The following HECW1 variants were observed in gnomAD, a reference collection of about 807,000 sequenced individuals.
HECW1 encodes HECT, C2 and WW domain containing E3 ubiquitin protein ligase 1.
Under a neutral mutation model 182.3 loss-of-function variants are expected in HECW1, and 61 were observed. The observed-to-expected ratio is 0.33, with a 90% CI of 0.27 to 0.41. HECW1 has a LOEUF of 0.41. Ranked by LOEUF, HECW1 falls within the 10% of genes least tolerant of loss-of-function variation. The pLI is 1.00. For missense variants in HECW1, 1,739 were observed against 2,108.9 expected (o/e 0.82, Z 3.44); for synonymous variants, 859 against 832.6 (o/e 1.03, Z -0.55).
chr7:43,114,428 T>G (rs1455518722), intron 2 of HECW1, 37 bp downstream of exon 2: 3 of 1,328,486 alleles, frequency 2.3e-6, no homozygotes, highest in East Asian at 8.0e-5. Flanking sequence ...TTTAAAAATG[T>G]GTGTTTTCCA....
At chr7:43,333,415 T>A (rs1288698890) in intron 5 of HECW1, among the ~76,000 whole-genome samples, 1 of 152,232 alleles carries the variant, frequency 6.6e-6, no homozygotes, top group Non-Finnish European at 1.5e-5. Context: ...GCCCCTGTTT[T>A]GGTGCATTTG....
chr7:43,181,546 G>A lies in HECW1; in HGVS notation c.-31-62329G>A, dbSNP rs142142656. 4.2e-4 allele frequency among the ~76,000 whole-genome samples: 64 copies of A among 151,008 alleles called. 5 individuals are homozygous for A. The highest frequency in any genetic ancestry group is 1.5e-3 in the African/African-American group (59 of 40,328). ...TGATAATAGCCATTCTAACTGGAGTGAGACAGTATCTCATTTTGATTTGCA... is the reference window on the plus strand; with the variant it reads ...TGATAATAGCCATTCTAACTGGAGTAAGACAGTATCTCATTTTGATTTGCA... On this transcript the variant is annotated intron_variant, in intron 2 of 29. Transcript: ENST00000395891.
chr7:43,409,920 G>T (rs915015337), intron 8 of HECW1, among the ~76,000 whole-genome samples: 1 of 152,178 alleles, frequency 6.6e-6, no homozygotes, highest in Non-Finnish European at 1.5e-5. Flanking sequence ...GTCAGTTAAG[G>T]ATGTATTTGG....
At chr7:43,447,694 A>ACAGC (rs1291153873) in intron 11 of HECW1, among the ~76,000 whole-genome samples, 9 of 152,208 alleles carry the variant, frequency 5.9e-5, no homozygotes, top group African/African-American at 2.2e-4. Flanking sequence ...AGGCTTCACA[A>ACAGC]CAGCAGATGC....
intron 2 of HECW1, among the ~76,000 whole-genome samples, chr7:43,155,040 A>G (rs944896723): frequency 6.6e-6 from 1 of 152,156 alleles, no homozygotes; most frequent in Admixed American, 6.5e-5. Context: ...AGCTCAGGTG[A>G]CTTAGGGAGC....
chr7:43,358,812 T>C (rs1261274154), intron 5 of HECW1, among the ~76,000 whole-genome samples: 2 of 145,848 alleles, frequency 1.4e-5, no homozygotes, highest in Non-Finnish European at 3.0e-5. Context: ...ATCCTTAAAA[T>C]ATATTCTTTT....
chr7:43,431,830 C>T (rs943851740), intron 8 of HECW1, among the ~76,000 whole-genome samples: 1 of 152,126 alleles, frequency 6.6e-6, no homozygotes, highest in Non-Finnish European at 1.5e-5. Context: ...CCATGGCACC[C>T]CTCTACCTGG....
chr7:43,206,763 C>A (rs1230582533), intron 2 of HECW1, among the ~76,000 whole-genome samples: 1 of 152,160 alleles, frequency 6.6e-6, no homozygotes, highest in Non-Finnish European at 1.5e-5. Context: ...AAAATGTTTG[C>A]CAGTTTCATC....
rs558799058 is a variant in HECW1, at chr7:43,130,428, C to T, written c.-32+16037C>T. ...ATGATACAGTCTGTGTACATTGAAC[C>T]GTCAGAAAGCAAGGGTGTCACTATC... is the stretch of plus-strand genomic sequence containing the variant. On this transcript the variant is annotated intron_variant, in intron 2 of 29. Coordinates refer to ENST00000395891, the MANE Select transcript of HECW1 (RefSeq NM_015052.5). Among the ~76,000 whole-genome samples, 7 of 152,148 alleles carry T rather than the reference C, an allele frequency of 4.6e-5. No individual in the cohort carries two copies. In the East Asian group the frequency reaches 5.8e-4, roughly 13 times the overall value.
intron 3 of HECW1, among the ~76,000 whole-genome samples, chr7:43,294,185 G>C (rs555318455): frequency 6.6e-6 from 1 of 152,304 alleles, no homozygotes; most frequent in East Asian, 1.9e-4. Flanking sequence ...CAAACACTTT[G>C]AGCTGCTCAC....
intron 25 of HECW1, 87 bp downstream of exon 25, chr7:43,541,348 C>CA (rs2081358573): frequency 9.7e-7 from 1 of 1,029,626 alleles, no homozygotes; most frequent in Non-Finnish European, 1.5e-6. Flanking sequence ...ACCCTTTTGT[C>CA]ACTATTTTGC....
chr7:43,297,081 G>T (rs1223587721), intron 3 of HECW1, among the ~76,000 whole-genome samples: 1 of 152,172 alleles, frequency 6.6e-6, no homozygotes, highest in East Asian at 1.9e-4. Context: ...CCAGGAAGAA[G>T]GCTGTTTTAT....
chr7:43,357,943 A>G (rs1294664077), intron 5 of HECW1, among the ~76,000 whole-genome samples: 1 of 152,230 alleles, frequency 6.6e-6, no homozygotes, highest in Non-Finnish European at 1.5e-5. Context: ...CAGAGTTTGA[A>G]GTGTTCCATG....
chr7:43,233,750 G>A (rs73101109), intron 2 of HECW1, among the ~76,000 whole-genome samples: 2,523 of 152,266 alleles, frequency 0.017, 39 homozygotes, highest in Non-Finnish European at 0.027. Context: ...AGTAGCTCCA[G>A]GCCTGCACCA....
At chr7:43,253,139 A>G (rs543705061) in intron 3 of HECW1, among the ~76,000 whole-genome samples, 110 of 152,312 alleles carry the variant, frequency 7.2e-4, no homozygotes, top group African/African-American at 2.3e-3. Flanking sequence ...TTAAAAAAAA[A>G]AAAAAATCCT....
rs2082288823 is a variant in HECW1, at chr7:43,564,670, G to T, written c.*2744G>T. On this transcript the variant is annotated 3_prime_UTR_variant, in exon 30 of 30. Transcript: ENST00000395891. The stretch of plus-strand genomic sequence containing the variant: ...AACCTTGCATAGAATCCTTAAGGAA[G>T]AAAAACAAAGAGAAGAGGAACACAG... 5.5e-6 allele frequency: 1 copy of T among 180,518 alleles called. No homozygotes were observed. Among genetic ancestry groups the T allele is most frequent in the Non-Finnish European group, 1.2e-5 (1 of 84,402 alleles). 11.2% of individuals were successfully genotyped at this position (180,518 alleles called of 1,614,324 possible). A position where few individuals can be genotyped will look rare whatever the true frequency, so the allele number is the denominator to read the frequency against.
Position 43,277,963 on chromosome 7 carries a change from C to A in HECW1, c.28-33800C>A, listed in dbSNP as rs558059810. On this transcript the variant is annotated intron_variant, in intron 3 of 29. Transcript: ENST00000395891. ...TCCTTCTTGGGCTCTTTCCCTGACT[C>A]CCCCAGACCTTTAACTGTGGGCTGC... Among the ~76,000 whole-genome samples, 43 of 152,256 alleles carry A rather than the reference C, an allele frequency of 2.8e-4. No individual in the cohort carries two copies. The East Asian group carries it at 5.2e-3, about 18-fold the overall frequency.
intron 2 of HECW1, among the ~76,000 whole-genome samples, chr7:43,204,121 G>A (rs189957318): frequency 5.5e-4 from 83 of 152,148 alleles, no homozygotes; most frequent in African/African-American, 1.9e-3. Context: ...CTTATACCTT[G>A]GCACCATAAT....
At chr7:43,443,059 G>A (rs941985887) in intron 10 of HECW1, among the ~76,000 whole-genome samples, 8 of 152,204 alleles carry the variant, frequency 5.3e-5, no homozygotes, top group African/African-American at 1.9e-4. Context: ...ATTGTACAAT[G>A]AATTTTTATA....
Sources: allele counts gnomAD v4.1 joint callset (sites outside exome capture counted in the v4.1 genomes callset), GRCh38; gene constraint gnomAD v4.1.1; transcripts MANE v1.5; gene names NCBI Gene and HGNC (gene_info 2026-07-23, HGNC 2026-07-21).